TENM3: variants seen among roughly 807,000 people sequenced by gnomAD.
TENM3 encodes the protein teneurin-3.
A neutral mutation model predicts 255.1 loss-of-function variants in TENM3; 63 were observed. That is an observed-to-expected ratio of 0.25 (90% CI 0.20 to 0.30). The LOEUF (loss-of-function observed/expected upper bound fraction) is 0.30, where lower values mean the gene tolerates loss of function less well. Ranked by LOEUF, TENM3 falls within the 10% of genes least tolerant of loss-of-function variation. The pLI is 1.00. For synonymous variants in TENM3, 1,306 were observed against 1,322.3 expected (o/e 0.99, Z 0.27); for missense variants, 2,929 against 3,461.1 (o/e 0.85, Z 3.86).
chr4:181,625,194 G>T, the TENM3 span, among the ~76,000 whole-genome samples: 2 of 152,146 alleles, frequency 1.3e-5, no homozygotes, highest in Non-Finnish European at 1.5e-5. Flanking sequence ...GTCTACCTTT[G>T]CAAACAGTCT....
the TENM3 span, among the ~76,000 whole-genome samples, chr4:181,808,623 C>A: frequency 6.6e-6 from 1 of 152,166 alleles, no homozygotes; most frequent in Non-Finnish European, 1.5e-5. Context: ...TAGATGCCTG[C>A]CTACATATTC....
chr4:182,040,347 T>C, the TENM3 span, among the ~76,000 whole-genome samples: 1 of 151,858 alleles, frequency 6.6e-6, no homozygotes, highest in East Asian at 1.9e-4. Context: ...AATCAATCAA[T>C]TGAACACAGT....
At chr4:181,577,723 C>A in the TENM3 span, among the ~76,000 whole-genome samples, 49,421 of 151,820 alleles carry the variant, frequency 0.33, 8,330 homozygotes, top group Middle Eastern at 0.46. Context: ...CATGCTCTAT[C>A]CATTTTGGTG....
chr4:182,510,594 A>C (rs940081254), intron 3 of TENM3, among the ~76,000 whole-genome samples: 2 of 152,168 alleles, frequency 1.3e-5, no homozygotes, highest in Non-Finnish European at 2.9e-5. Context: ...GATAATGTGA[A>C]TCTTACAATC....
chr4:182,379,733 C>A (rs555209346), intron 3 of TENM3, among the ~76,000 whole-genome samples: 313 of 152,318 alleles, frequency 2.1e-3, no homozygotes, highest in African/African-American at 7.1e-3. Context: ...GAGTCCAGCC[C>A]TGAGCCAGGC....
At chr4:182,082,578 G>A in the TENM3 span, among the ~76,000 whole-genome samples, 1 of 152,148 alleles carries the variant, frequency 6.6e-6, no homozygotes, top group African/African-American at 2.4e-5. Context: ...AGAAAGCATG[G>A]GAGAAGTATC....
intron 1 of TENM3, among the ~76,000 whole-genome samples, chr4:182,227,292 G>A (rs574435448): frequency 3.9e-5 from 6 of 152,242 alleles, no homozygotes; most frequent in East Asian, 1.9e-4. Flanking sequence ...TTAAGTGGAG[G>A]TCCACATTGT....
At chr4:181,815,559 A>G in the TENM3 span, among the ~76,000 whole-genome samples, 1 of 151,652 alleles carries the variant, frequency 6.6e-6, no homozygotes, top group Non-Finnish European at 1.5e-5. Flanking sequence ...ACTTGAATAT[A>G]GAAGATATTA....
the TENM3 span, among the ~76,000 whole-genome samples, chr4:181,925,203 A>G: frequency 6.6e-6 from 1 of 152,208 alleles, no homozygotes; most frequent in Admixed American, 6.5e-5. Context: ...TTTTTACATG[A>G]TAATGGCATA....
chr4:182,039,599 C>G, the TENM3 span, among the ~76,000 whole-genome samples: 1 of 152,042 alleles, frequency 6.6e-6, no homozygotes, highest in Non-Finnish European at 1.5e-5. Context: ...ATGAATGATA[C>G]TATAACATAT....
At chr4:182,652,876 T>C (rs1320962733) in intron 5 of TENM3, among the ~76,000 whole-genome samples, 1 of 152,224 alleles carries the variant, frequency 6.6e-6, no homozygotes, top group Non-Finnish European at 1.5e-5. Context: ...GGTTAGTTCC[T>C]AAACTATATT....
chr4:181,887,592 A>AG, the TENM3 span, among the ~76,000 whole-genome samples: 4 of 152,086 alleles, frequency 2.6e-5, no homozygotes, highest in African/African-American at 9.6e-5. Flanking sequence ...ACTGTTTAAA[A>AG]TATTTCCAAG....
the TENM3 span, among the ~76,000 whole-genome samples, chr4:181,884,135 G>T: frequency 6.6e-6 from 1 of 152,034 alleles, no homozygotes. Flanking sequence ...TCTGGCAATT[G>T]GACGTCACAT....
At chr4:181,767,336 A>G in the TENM3 span, among the ~76,000 whole-genome samples, 12 of 152,158 alleles carry the variant, frequency 7.9e-5, 1 homozygote, top group South Asian at 2.3e-3. Context: ...GAAAGAAAAA[A>G]CAAAACCATC....
chr4:182,561,453 A>G (rs1306255143), intron 3 of TENM3, among the ~76,000 whole-genome samples: 2 of 151,836 alleles, frequency 1.3e-5, no homozygotes, highest in Non-Finnish European at 2.9e-5. Flanking sequence ...TATTAAAAAA[A>G]AAAGGAAAGA....
chr4:182,259,623 T>A (rs1272190633), intron 1 of TENM3, among the ~76,000 whole-genome samples: 1 of 151,844 alleles, frequency 6.6e-6, no homozygotes, highest in Non-Finnish European at 1.5e-5. Flanking sequence ...TTTTTTAACA[T>A]TTTTTTTATT....
At chr4:182,406,027 T>A (rs555388334) in intron 3 of TENM3, among the ~76,000 whole-genome samples, 1 of 152,196 alleles carries the variant, frequency 6.6e-6, no homozygotes, top group African/African-American at 2.4e-5. Context: ...GGACTCACAC[T>A]GGGCATGGTG....
the TENM3 span, among the ~76,000 whole-genome samples, chr4:181,772,280 A>G: frequency 2.0e-5 from 3 of 152,062 alleles, no homozygotes; most frequent in Non-Finnish European, 4.4e-5. Flanking sequence ...TGGGAGGCTG[A>G]GGCGGGAGAA....
At chr4:181,650,571 CT>C in the TENM3 span, among the ~76,000 whole-genome samples, 44 of 152,252 alleles carry the variant, frequency 2.9e-4, no homozygotes, top group South Asian at 8.7e-3. Context: ...TCCTTGTCAC[CT>C]GTAATTCTGC....
Sources: allele counts gnomAD v4.1 joint callset (sites outside exome capture counted in the v4.1 genomes callset), GRCh38; gene constraint gnomAD v4.1.1; transcripts MANE v1.5; gene names NCBI Gene and HGNC (gene_info 2026-07-23, HGNC 2026-07-21).